DLGAP1: variants seen among roughly 807,000 people sequenced by gnomAD.
DLGAP1 encodes the protein DLG associated protein 1.
Under a neutral mutation model 90.8 loss-of-function variants are expected in DLGAP1, and 11 were observed. The ratio of observed to expected loss-of-function variants is 0.12; its 90% CI spans 0.08 to 0.20. DLGAP1 has a LOEUF of 0.20. Among genes scored for constraint, DLGAP1 ranks in the 10% least tolerant of loss-of-function variants. The pLI, the probability that DLGAP1 is intolerant of heterozygous loss-of-function variation, is 1.00. For missense variants in DLGAP1, 1,050 were observed against 1,333.8 expected (o/e 0.79, Z 3.31); for synonymous variants, 558 against 540.7 (o/e 1.03, Z -0.44).
chr18:4,084,022 G>A lies in DLGAP1; in HGVS notation c.-159+67158C>T, dbSNP rs1425931159. Among the ~76,000 whole-genome samples the A allele has an allele frequency of 6.6e-6, 1 of 152,148 alleles. No individual in the cohort carries two copies. Among genetic ancestry groups the A allele is most frequent in the Non-Finnish European group, 1.5e-5 (1 of 68,030 alleles). ...TGAGTGCAAGGTTTTATTGAGTGGT[G>A]GAAGTAGCTCCAGAAGATGGATGGG... On this transcript the variant is annotated intron_variant, in intron 2 of 12. Transcript: ENST00000315677. The surrounding 1 kb of genome is among the most constrained non-coding windows in gnomAD (Gnocchi z 4.0).
At chr18:3,588,439 A>G (rs1568251550) in intron 7 of DLGAP1, among the ~76,000 whole-genome samples, 1 of 151,226 alleles carries the variant, frequency 6.6e-6, no homozygotes, top group African/African-American at 2.4e-5. Flanking sequence ...AGCCTGGGCA[A>G]TAAGAATGAA....
At chr18:3,896,327 C>T (rs899458548) in intron 3 of DLGAP1, 5 of 151,744 alleles carry the variant, frequency 3.3e-5, no homozygotes, top group African/African-American at 7.3e-5. Flanking sequence ...CCAGGAACAT[C>T]ACAGCAGAGA....
At chr18:4,042,254 TC>T (rs1364613002) in intron 2 of DLGAP1, among the ~76,000 whole-genome samples, 2 of 152,216 alleles carry the variant, frequency 1.3e-5, no homozygotes, top group Non-Finnish European at 2.9e-5. Flanking sequence ...GTTTCAAGTG[TC>T]CTGATTAATG....
Position 3,526,889 on chromosome 18 carries a change from T to C in DLGAP1, c.2479+7305A>G, listed in dbSNP as rs2051659361. On this transcript the variant is annotated intron_variant, in intron 10 of 12. Transcript: ENST00000315677. The surrounding 1 kb of genome is among the most constrained non-coding windows in gnomAD (Gnocchi z 4.7). ...TTGTCTGAGAAGAGCTCGTATCATT[T>C]TACTTCAAGTGCTGCGGGAACAAGC... Among the ~76,000 whole-genome samples, 1 of 152,202 alleles carries C rather than the reference T, an allele frequency of 6.6e-6. No individual in the cohort carries two copies. The highest frequency in any genetic ancestry group is 2.4e-5 in the African/African-American group (1 of 41,454).
chr18:3,702,254 C>A (rs950482823), intron 7 of DLGAP1, among the ~76,000 whole-genome samples: 1 of 152,202 alleles, frequency 6.6e-6, no homozygotes. Context: ...GTCTCGAACT[C>A]CTGACCTCAG....
chr18:3,791,352 T>C lies in DLGAP1; in HGVS notation c.1172+22707A>G, dbSNP rs540468267. Reference sequence around the variant, plus strand: ...GAAGGCTGTGAAAACCAGCATTTTTTTCTCTTGTAATTTCATATACAGTTG... The same window carrying C: ...GAAGGCTGTGAAAACCAGCATTTTTCTCTCTTGTAATTTCATATACAGTTG... On this transcript the variant is annotated intron_variant, in intron 5 of 12. Transcript: ENST00000315677. Among the ~76,000 whole-genome samples, 8 of 152,342 alleles carry C rather than the reference T, an allele frequency of 5.3e-5. No individual in the cohort carries two copies. In the East Asian group the frequency reaches 1.4e-3, roughly 26 times the overall value.
At chr18:3,873,431 A>G (rs752766811) in intron 4 of DLGAP1, among the ~76,000 whole-genome samples, 16 of 152,212 alleles carry the variant, frequency 1.1e-4, no homozygotes, top group Non-Finnish European at 2.1e-4. Context: ...TTAAAAATAA[A>G]GAAAATCATC....
chr18:3,499,359 C>G lies in DLGAP1; in HGVS notation c.2760G>C (p.Pro920=), dbSNP rs1431378371. ...GGATCAGCGGCGCGGGGCCCTTCGC[C>G]GGCTTCTTTGGCACTGGAGGAGGGG... The part of the protein sequence containing the change: ...RRAPPPVPKK[P]AKGPAPLIRE... Residue 920 remains proline, a synonymous_variant, in exon 13 of 13, where the codon CCG becomes CCC. Coordinates refer to ENST00000315677, the MANE Select transcript of DLGAP1 (RefSeq NM_004746.4). This position sits in a 1 kb window ranked among gnomAD's most constrained non-coding sequence, Gnocchi z 6.4. 1 of 1,551,904 alleles carries G rather than the reference C, an allele frequency of 6.4e-7. No homozygotes were observed. Among genetic ancestry groups the G allele is most frequent in the South Asian group, 1.2e-5 (1 of 84,244 alleles).
rs11660750 is a variant in DLGAP1, at chr18:4,091,726, C to G, written c.-159+59454G>C. Reference sequence around the variant, plus strand: ...AGCATTTCCAATTGATTTTTTGTTACAGTCAACATCTCTCTGTGAAATTCC... The same window carrying G: ...AGCATTTCCAATTGATTTTTTGTTAGAGTCAACATCTCTCTGTGAAATTCC... On this transcript the variant is annotated intron_variant, in intron 2 of 12. Transcript: ENST00000315677. Among the ~76,000 whole-genome samples the G allele has an allele frequency of 6.2e-3, 944 of 152,262 alleles. 9 individuals carry two copies. Among genetic ancestry groups the G allele is most frequent in the Admixed American group, 8.7e-3 (133 of 15,286 alleles).
At chr18:3,579,342 C>T (rs1268387480) in intron 8 of DLGAP1, among the ~76,000 whole-genome samples, 3 of 152,220 alleles carry the variant, frequency 2.0e-5, no homozygotes, top group South Asian at 2.1e-4. Flanking sequence ...TCCCAAGTAG[C>T]TGGGATCACA....
intron 5 of DLGAP1, among the ~76,000 whole-genome samples, chr18:3,770,650 A>T (rs981861289): frequency 6.6e-6 from 1 of 151,912 alleles, no homozygotes; most frequent in African/African-American, 2.4e-5. Flanking sequence ...TTTCCAGGAA[A>T]TGTGAAGAAT....
At chr18:3,944,598 T>C (rs903997753) in intron 3 of DLGAP1, among the ~76,000 whole-genome samples, 1 of 152,248 alleles carries the variant, frequency 6.6e-6, no homozygotes, top group Non-Finnish European at 1.5e-5. Context: ...GCTTAGAGTA[T>C]GAGCTGGGGC....
intron 1 of DLGAP1, among the ~76,000 whole-genome samples, chr18:4,161,418 T>G (rs1327940799): frequency 6.6e-6 from 1 of 152,198 alleles, no homozygotes; most frequent in Non-Finnish European, 1.5e-5. Flanking sequence ...GTAAAGGACA[T>G]GATCTCATTT....
intron 9 of DLGAP1, among the ~76,000 whole-genome samples, chr18:3,555,046 A>T (rs1440655456): frequency 3.3e-5 from 5 of 149,580 alleles, no homozygotes; most frequent in Admixed American, 2.7e-4. Flanking sequence ...CCAGATAATT[A>T]AAAAAAAAAT....
At chr18:4,399,746 T>A (rs930033229) in intron 1 of DLGAP1, among the ~76,000 whole-genome samples, 1 of 152,190 alleles carries the variant, frequency 6.6e-6, no homozygotes, top group Non-Finnish European at 1.5e-5. Context: ...GCAAGAGGCA[T>A]AGAGAGAGAC....
intron 2 of DLGAP1, among the ~76,000 whole-genome samples, chr18:4,016,248 A>C (rs1390589460): frequency 6.6e-6 from 1 of 152,246 alleles, no homozygotes; most frequent in Non-Finnish European, 1.5e-5. Flanking sequence ...AGAGTTGTTC[A>C]TTTTTAATAT....
chr18:3,605,951 C>A (rs997203365), intron 7 of DLGAP1, among the ~76,000 whole-genome samples: 5 of 152,162 alleles, frequency 3.3e-5, no homozygotes, highest in South Asian at 2.1e-4. Flanking sequence ...TAGGAGACTT[C>A]AAACAAAACA....
intron 2 of DLGAP1, among the ~76,000 whole-genome samples, chr18:4,127,084 A>G (rs2076243967): frequency 1.3e-5 from 2 of 152,192 alleles, no homozygotes; most frequent in Non-Finnish European, 2.9e-5. Flanking sequence ...AAAATTTCCA[A>G]GAATAACTAT....
intron 1 of DLGAP1, among the ~76,000 whole-genome samples, chr18:4,394,038 G>T (rs1412007288): frequency 6.6e-6 from 1 of 152,130 alleles, no homozygotes; most frequent in Admixed American, 6.5e-5. Flanking sequence ...GAGGGGTTGG[G>T]GATCCCTGCT....
Sources: gnomAD v4.1 joint callset for allele counts (sites outside exome capture counted in the v4.1 genomes callset) on GRCh38, gnomAD v4.1.1 for gene constraint, Gnocchi (gnomAD v3.1) non-coding constraint, MANE v1.5 for transcripts, NCBI Gene and HGNC (gene_info 2026-07-23, HGNC 2026-07-21) for gene names.